The following ADAM32 variants were observed in gnomAD, a reference collection of about 807,000 sequenced individuals.
ADAM32 encodes disintegrin and metalloproteinase domain-containing protein 32.
Under a neutral mutation model 114.9 loss-of-function variants are expected in ADAM32, and 89 were observed. The ratio of observed to expected loss-of-function variants is 0.77; its 90% confidence interval spans 0.65 to 0.92. The LOEUF (loss-of-function observed/expected upper bound fraction) is 0.92, where lower values mean the gene tolerates loss of function less well. ADAM32 is among the 40% of genes least tolerant of loss of function. ADAM32 has a pLI of 0.00. For synonymous variants in ADAM32, 285 were observed against 307.5 expected (o/e 0.93, Z 0.77); for missense variants, 870 against 932.8 (o/e 0.93, Z 0.88).
intron 16 of ADAM32, among the ~76,000 whole-genome samples, chr8:39,244,063 T>C (rs2129449977): frequency 6.6e-6 from 1 of 152,122 alleles, no homozygotes. Context: ...CCAATATACT[T>C]AGGAATATAC....
intron 16 of ADAM32, among the ~76,000 whole-genome samples, chr8:39,242,165 C>T (rs1810604500): frequency 6.6e-6 from 1 of 152,210 alleles, no homozygotes; most frequent in African/African-American, 2.4e-5. Flanking sequence ...TCTGAGACCA[C>T]CTCAGCCTGG....
intron 19 of ADAM32, among the ~76,000 whole-genome samples, chr8:39,259,678 T>C (rs1368449321): frequency 1.3e-5 from 2 of 152,222 alleles, no homozygotes; most frequent in African/African-American, 2.4e-5. Context: ...ATTATCATCT[T>C]TATGTTTAGT....
chr8:39,269,842 G>A (rs141234349), intron 19 of ADAM32, among the ~76,000 whole-genome samples: 1 of 152,300 alleles, frequency 6.6e-6, no homozygotes, highest in African/African-American at 2.4e-5. Context: ...GCCCAAGACT[G>A]GGTAATTTAT....
chr8:39,280,715 T>A (rs1213008449), intron 22 of ADAM32, among the ~76,000 whole-genome samples: 1 of 152,202 alleles, frequency 6.6e-6, no homozygotes, highest in Non-Finnish European at 1.5e-5. Context: ...TTTTTCATTC[T>A]CAAAGTAGGC....
intron 11 of ADAM32, among the ~76,000 whole-genome samples, chr8:39,189,544 CGT>C (rs1169070047): frequency 6.6e-6 from 1 of 152,012 alleles, no homozygotes; most frequent in Non-Finnish European, 1.5e-5. Flanking sequence ...TATCTGTATA[CGT>C]GTGTGATGAT....
chr8:39,273,547 A>C (rs561991700), intron 20 of ADAM32, among the ~76,000 whole-genome samples: 39 of 151,924 alleles, frequency 2.6e-4, no homozygotes, highest in Non-Finnish European at 5.4e-4. Flanking sequence ...CAAACAAACA[A>C]ACAAAAGGAT....
intron 6 of ADAM32, 111 bp from the exon 7 acceptor site, chr8:39,160,786 C>G (rs1486861217): frequency 8.8e-6 from 8 of 914,130 alleles, no homozygotes; most frequent in Non-Finnish European, 1.3e-5. Flanking sequence ...TTTGATAAAG[C>G]AAACACCTCT....
intron 17 of ADAM32, among the ~76,000 whole-genome samples, chr8:39,251,982 T>C (rs753671235): frequency 3.3e-5 from 5 of 151,854 alleles, no homozygotes; most frequent in Non-Finnish European, 7.4e-5. Context: ...CTGTTCTTTC[T>C]CTGTTGTACA....
Position 39,281,172 on chromosome 8 carries a change from C to A in ADAM32, c.2316C>A (p.Ser772Arg). ...AAGATAGTGCTGAAGCATATACTAG[C>A]AGGTAAGCAGGATAGAAAGTGTTAC... ...KSEDSAEAYT[S>R]RSKSQDSTQT... Residue 772 changes from serine to arginine, a missense_variant and splice_region_variant, in exon 23 of 25, where the codon AGC (serine) becomes AGA (arginine). Physicochemically the swap from Ser to Arg is moderately radical, Grantham distance 110 (BLOSUM62 -1). Coordinates refer to ENST00000379907, the MANE Select transcript of ADAM32 (RefSeq NM_145004.7). The A allele has an allele frequency of 7.3e-7, 1 of 1,371,386 alleles. No homozygotes were observed. The allele number at this position is 1,371,386 out of a possible 1,614,324, so 85.0% of individuals were successfully genotyped here. A position where few individuals can be genotyped will look rare whatever the true frequency, so the allele number is the denominator to read the frequency against.
intron 16 of ADAM32, among the ~76,000 whole-genome samples, chr8:39,240,411 G>A (rs1337083134): frequency 6.6e-6 from 1 of 152,202 alleles, no homozygotes; most frequent in Non-Finnish European, 1.5e-5. Flanking sequence ...AATCCTCTGA[G>A]ATACAGCAAA....
At chr8:39,140,908 C>A (rs1387688317) in intron 3 of ADAM32, among the ~76,000 whole-genome samples, 1 of 152,092 alleles carries the variant, frequency 6.6e-6, no homozygotes. Context: ...GGAATTTATC[C>A]ATTTCTTCTA....
chr8:39,223,424 A>G, intron 14 of ADAM32, 186 bp downstream of exon 14: 1 of 293,778 alleles, frequency 3.4e-6, no homozygotes, highest in Non-Finnish European at 6.0e-6. Flanking sequence ...AATGTGGAAT[A>G]TATATATTTT....
At chr8:39,144,951 A>T (rs1381689149) in intron 3 of ADAM32, among the ~76,000 whole-genome samples, 1 of 152,170 alleles carries the variant, frequency 6.6e-6, no homozygotes, top group Non-Finnish European at 1.5e-5. Context: ...TGTTAGAACC[A>T]ATAGACAAGT....
intron 3 of ADAM32, among the ~76,000 whole-genome samples, chr8:39,144,346 C>T (rs1026319729): frequency 1.3e-5 from 2 of 152,218 alleles, no homozygotes; most frequent in Non-Finnish European, 2.9e-5. Context: ...TCCTATTCAG[C>T]CATCTTGGAA....
chr8:39,132,585 G>A (rs1802530868), intron 2 of ADAM32, among the ~76,000 whole-genome samples: 1 of 152,146 alleles, frequency 6.6e-6, no homozygotes, highest in Non-Finnish European at 1.5e-5. Flanking sequence ...AACTATTAAA[G>A]TCTTTTTATG....
chr8:39,263,232 G>A (rs1233251189), intron 19 of ADAM32, among the ~76,000 whole-genome samples: 2 of 152,034 alleles, frequency 1.3e-5, no homozygotes, highest in Non-Finnish European at 2.9e-5. Flanking sequence ...GGAACTTTAG[G>A]TGAACAGTTA....
intron 11 of ADAM32, among the ~76,000 whole-genome samples, chr8:39,199,170 G>C (rs1252207925): frequency 6.6e-6 from 1 of 152,092 alleles, no homozygotes; most frequent in East Asian, 1.9e-4. Context: ...TTGGTAGTTT[G>C]ACTATACGTG....
chr8:39,207,203 C>A (rs1003974388), intron 11 of ADAM32, among the ~76,000 whole-genome samples: 4 of 152,212 alleles, frequency 2.6e-5, no homozygotes, highest in South Asian at 2.1e-4. Flanking sequence ...TGTCACTTCT[C>A]CAATGAATTC....
At chr8:39,221,238 G>T in intron 12 of ADAM32, 1 of 160,992 alleles carries the variant, frequency 6.2e-6, no homozygotes, top group Non-Finnish European at 1.4e-5. Flanking sequence ...CTGCTCTTTT[G>T]TGTTTCCATG....
Sources: allele counts gnomAD v4.1 joint callset (sites outside exome capture counted in the v4.1 genomes callset), GRCh38; gene constraint gnomAD v4.1.1; transcripts MANE v1.5; gene names NCBI Gene and HGNC (gene_info 2026-07-23, HGNC 2026-07-21).